INTS9: variants seen among roughly 807,000 people sequenced by gnomAD.
The protein encoded by INTS9 is protein related to CPSF subunits of 74 kDa.
INTS9 carries 55 observed loss-of-function variants against 79.7 expected under a neutral mutation model. The ratio of observed to expected loss-of-function variants is 0.69; its 90% CI spans 0.56 to 0.86. The LOEUF (loss-of-function observed/expected upper bound fraction) is 0.86, where lower values mean the gene tolerates loss of function less well. Among genes scored for constraint, INTS9 ranks in the 40% least tolerant of loss-of-function variants. The pLI is 0.00. For synonymous variants in INTS9, 319 were observed against 325.2 expected (o/e 0.98, Z 0.20); for missense variants, 721 against 831.5 (o/e 0.87, Z 1.64).
At chr8:28,819,666 G>A (rs1805710280) in intron 6 of INTS9, among the ~76,000 whole-genome samples, 1 of 152,124 alleles carries the variant, frequency 6.6e-6, no homozygotes, top group South Asian at 2.1e-4. Flanking sequence ...ATGTCTATTA[G>A]GTCTGCTTGG....
At position 28,795,092 on chromosome 8, in the gene INTS9, C is replaced by T. The variant is rs17059450; in HGVS notation, c.857-1105G>A. Among the ~76,000 whole-genome samples, 609 of 152,280 alleles carry T rather than the reference C, an allele frequency of 4.0e-3. 7 individuals carry two copies. Among genetic ancestry groups the T allele is most frequent in the African/African-American group, 0.013 (550 of 41,560 alleles). The stretch of plus-strand genomic sequence containing the variant: ...TTTAATTTCTAAGAACAGTGCCTTC[C>T]GTGTAAATATAAGATGACCACTTCT... On this transcript the variant is annotated intron_variant, in intron 9 of 16. Transcript: ENST00000521022.
At position 28,813,547 on chromosome 8, in the gene INTS9, T is replaced by G. The variant is rs1322024132; in HGVS notation, c.554A>C (p.Gln185Pro). 2 of 1,613,850 alleles carry G rather than the reference T, an allele frequency of 1.2e-6. No homozygotes were observed. Among genetic ancestry groups the G allele is most frequent in the South Asian group, 2.2e-5 (2 of 91,072 alleles). ...VSTWRRCYTMQEVNSALSKIQ... is the reference protein window; with the variant it reads ...VSTWRRCYTMPEVNSALSKIQ... ...TTTACTAAGGGCAGAGTTCACCTCT[T>G]GCATTGTATAGCATCTTCTCCAGGT... The change falls in exon 7 of 17, where the codon CAA (glutamine) becomes CCA (proline). Residue 185 changes from glutamine (Q) to proline (P), a missense_variant. This residue lies in a region of INTS9 where 291 missense variants were observed against 307.0 expected (regional missense o/e 0.95). Coordinates refer to ENST00000521022, the MANE Select transcript of INTS9 (RefSeq NM_018250.4).
At chr8:28,802,815 A>AT (rs1345681892) in intron 8 of INTS9, among the ~76,000 whole-genome samples, 1 of 152,166 alleles carries the variant, frequency 6.6e-6, no homozygotes, top group African/African-American at 2.4e-5. Context: ...TCTATTATAG[A>AT]TAAGTTTCTA....
At chr8:28,777,409 A>G (rs763006975) in intron 13 of INTS9, among the ~76,000 whole-genome samples, 4 of 152,188 alleles carry the variant, frequency 2.6e-5, no homozygotes, top group Non-Finnish European at 5.9e-5. Context: ...AAGTGAAACA[A>G]ATGACCAAAA....
intron 1 of INTS9, among the ~76,000 whole-genome samples, chr8:28,877,987 AG>A (rs1308272209): frequency 6.6e-6 from 1 of 152,204 alleles, no homozygotes; most frequent in East Asian, 1.9e-4. Flanking sequence ...TTCAGAAAAA[AG>A]TATCTTGAAA....
chr8:28,784,604 G>A (rs1213990433), intron 11 of INTS9, among the ~76,000 whole-genome samples: 15 of 152,272 alleles, frequency 9.9e-5, no homozygotes, highest in African/African-American at 2.2e-4. Context: ...GTTGAAATAC[G>A]TGTTAGTTAA....
chr8:28,881,934 A>C (rs1167702739), intron 1 of INTS9, among the ~76,000 whole-genome samples: 1 of 146,578 alleles, frequency 6.8e-6, no homozygotes, highest in Non-Finnish European at 1.5e-5. Flanking sequence ...CTGCCCGGCC[A>C]CGACCCCGTC....
intron 6 of INTS9, among the ~76,000 whole-genome samples, chr8:28,814,284 T>TCACACACACACACACA (rs60850682): frequency 3.7e-5 from 5 of 134,226 alleles, no homozygotes; most frequent in African/African-American, 5.8e-5. Flanking sequence ...ACAGGGCTTC[T>TCACACACACACACACA]CACACACACA....
In INTS9 at chr8:28,819,677, T is replaced by G. The variant is rs537159744; in HGVS notation, c.489-6065A>C. On this transcript the variant is annotated intron_variant, in intron 6 of 16. Transcript: ENST00000521022. Reference sequence around the variant, plus strand: ...GTAGATGTCTATTAGGTCTGCTTGGTGCAGAGCTGAGTTCAATTCCTGGGT... The same window carrying G: ...GTAGATGTCTATTAGGTCTGCTTGGGGCAGAGCTGAGTTCAATTCCTGGGT... Among the ~76,000 whole-genome samples, 90 of 152,304 alleles carry G rather than the reference T, an allele frequency of 5.9e-4. 6 individuals carry two copies. The South Asian group carries it at 0.018, about 30-fold the overall frequency.
intron 1 of INTS9, among the ~76,000 whole-genome samples, chr8:28,887,215 T>C (rs559615211): frequency 6.6e-6 from 1 of 152,324 alleles, no homozygotes; most frequent in South Asian, 2.1e-4. Flanking sequence ...CAATGGAACA[T>C]ATTCAACCAA....
At chr8:28,889,191 A>C (rs1190094206) in intron 1 of INTS9, among the ~76,000 whole-genome samples, 2 of 152,228 alleles carry the variant, frequency 1.3e-5, no homozygotes, top group Non-Finnish European at 2.9e-5. Context: ...CAAAGGTCTG[A>C]GGAGCCTCCA....
intron 11 of INTS9, chr8:28,784,054 A>C (rs1172934671): frequency 6.6e-6 from 1 of 152,212 alleles, no homozygotes; most frequent in African/African-American, 2.4e-5. Flanking sequence ...GACCAGTGGA[A>C]ATGAAGCTGT....
intron 8 of INTS9, among the ~76,000 whole-genome samples, chr8:28,804,166 T>C (rs1804675367): frequency 6.6e-6 from 1 of 152,056 alleles, no homozygotes; most frequent in Non-Finnish European, 1.5e-5. Context: ...GCTCAAGCAA[T>C]CCTCCCACCT....
At chr8:28,881,360 C>T (rs1481341707) in intron 1 of INTS9, among the ~76,000 whole-genome samples, 11 of 142,562 alleles carry the variant, frequency 7.7e-5, no homozygotes, top group Admixed American at 1.4e-4. Flanking sequence ...GGCGCCTCTG[C>T]CCGGCCGCCC....
intron 8 of INTS9, among the ~76,000 whole-genome samples, chr8:28,808,067 A>C (rs1435466776): frequency 6.6e-6 from 1 of 151,922 alleles, no homozygotes; most frequent in Non-Finnish European, 1.5e-5. Flanking sequence ...GGGAGGTTGC[A>C]CTCTTTGGCC....
At chr8:28,825,098 C>T (rs1806074318) in intron 6 of INTS9, among the ~76,000 whole-genome samples, 1 of 152,180 alleles carries the variant, frequency 6.6e-6, no homozygotes, top group African/African-American at 2.4e-5. Context: ...AGGAAAAACC[C>T]AAGGTTCTAC....
At chr8:28,880,896 C>G (rs1176611500) in intron 1 of INTS9, among the ~76,000 whole-genome samples, 2 of 146,174 alleles carry the variant, frequency 1.4e-5, no homozygotes, top group Non-Finnish European at 3.0e-5. Flanking sequence ...TGGGGAGCAC[C>G]TCTGCCCCAC....
chr8:28,813,388 A>G (rs1028764828), intron 7 of INTS9, 104 bp downstream of exon 7: 19 of 1,159,464 alleles, frequency 1.6e-5, no homozygotes, highest in Non-Finnish European at 2.4e-5. Flanking sequence ...ATCCTCAGCA[A>G]TGGAATGGCT....
chr8:28,881,419 G>T, intron 1 of INTS9, among the ~76,000 whole-genome samples: 1 of 148,374 alleles, frequency 6.7e-6, no homozygotes, highest in African/African-American at 2.5e-5. Flanking sequence ...CCCCGCCCGG[G>T]AGGGAGGTGG....
Sources: allele counts gnomAD v4.1 joint callset (sites outside exome capture counted in the v4.1 genomes callset), GRCh38; gene constraint gnomAD v4.1.1; regional missense constraint gnomAD v4.1.1; transcripts MANE v1.5; gene names NCBI Gene and HGNC (gene_info 2026-07-23, HGNC 2026-07-21).